PLB1: variants seen among roughly 807,000 people sequenced by gnomAD.
The protein encoded by PLB1 is phospholipase B1.
In PLB1, 242 loss-of-function variants were observed where a neutral mutation model predicts 227.4. The observed-to-expected ratio is 1.06, with a 90% CI of 0.96 to 1.18. The LOEUF (loss-of-function observed/expected upper bound fraction) is 1.18, where lower values mean the gene tolerates loss of function less well. Ranked by LOEUF, PLB1 falls within the 50% of genes most tolerant of loss-of-function variation. The pLI is 0.00. For synonymous variants in PLB1, 757 were observed against 682.2 expected, an observed-to-expected ratio of 1.11 and a Z score of -1.71; for missense variants, 1,858 against 1,816.3, an observed-to-expected ratio of 1.02 and a Z score of -0.42.
chr2:28,530,636 C>T (rs1208029527), intron 8 of PLB1, among the ~76,000 whole-genome samples: 1 of 152,242 alleles, frequency 6.6e-6, no homozygotes, highest in Admixed American at 6.5e-5. Flanking sequence ...TAATAAGCAT[C>T]CTTAGATCTT....
chr2:28,630,548 C>T (rs777851259), intron 53 of PLB1, 38 bp from the exon 54 acceptor site: 1 of 1,574,814 alleles, frequency 6.3e-7, no homozygotes, highest in Non-Finnish European at 8.7e-7. Context: ...AGCCACAGTG[C>T]CCCAGGCAGC....
chr2:28,542,552 C>T (rs1246288959), intron 13 of PLB1, among the ~76,000 whole-genome samples: 4 of 152,210 alleles, frequency 2.6e-5, no homozygotes, highest in Middle Eastern at 3.4e-3. Context: ...GGGAAGTGCT[C>T]GCACCTCTTG....
At chr2:28,559,427 T>G (rs982724056) in intron 17 of PLB1, among the ~76,000 whole-genome samples, 1 of 152,234 alleles carries the variant, frequency 6.6e-6, no homozygotes, top group African/African-American at 2.4e-5. Context: ...CAACTATGTA[T>G]GTGTGAGTTT....
intron 8 of PLB1, among the ~76,000 whole-genome samples, chr2:28,530,740 G>A (rs918790552): frequency 1.6e-4 from 25 of 152,338 alleles, no homozygotes; most frequent in Middle Eastern, 3.4e-3. Context: ...CTGGAACCAA[G>A]GGAAGCTGCT....
At chr2:28,564,385 G>A (rs564260785) in intron 18 of PLB1, among the ~76,000 whole-genome samples, 5 of 152,236 alleles carry the variant, frequency 3.3e-5, no homozygotes, top group Non-Finnish European at 7.4e-5. Flanking sequence ...AGCCTCCTCC[G>A]TGGCCCCTCA....
At chr2:28,548,490 G>T (rs745527565) in intron 14 of PLB1, 10 of 465,002 alleles carry the variant, frequency 2.2e-5, no homozygotes, top group South Asian at 1.6e-4. Context: ...GGACACCAAT[G>T]TTGGAGTCCC....
At chr2:28,635,507 C>T (rs182600762) in intron 56 of PLB1, among the ~76,000 whole-genome samples, 31 of 151,016 alleles carry the variant, frequency 2.1e-4, no homozygotes, top group African/African-American at 7.2e-4. Context: ...ACCACCCTCC[C>T]CACTGCTCCC....
chr2:28,541,380 C>A (rs1558707327), intron 12 of PLB1, among the ~76,000 whole-genome samples: 1 of 152,182 alleles, frequency 6.6e-6, no homozygotes, highest in African/African-American at 2.4e-5. Context: ...GGTTAAGGCA[C>A]CTGACTCTAC....
rs1668901768 is a variant in PLB1 at position 28,516,806 on chromosome 2, A to C, written c.56-2A>C. 6.2e-7 allele frequency: 1 copy of C among 1,612,552 alleles called. No homozygotes were observed. Among genetic ancestry groups the C allele is most frequent in the East Asian group, 2.2e-5 (1 of 44,876 alleles). ...ACTTGAACTATTTCTGCTTTCTTTC[A>C]GGGACCCCTCAGATCCATACCTCTC... On this transcript the variant is annotated splice_acceptor_variant, in intron 1 of 57. Coordinates refer to ENST00000327757, the MANE Select transcript of PLB1 (RefSeq NM_153021.5). LOFTEE classifies it high-confidence loss of function.
chr2:28,594,534 TTC>T (rs967258984), intron 33 of PLB1: 5 of 157,120 alleles, frequency 3.2e-5, no homozygotes, highest in African/African-American at 1.2e-4. Context: ...CTCCCTTTTC[TTC>T]TGAGTCAGTT....
intron 4 of PLB1, among the ~76,000 whole-genome samples, chr2:28,524,834 C>A (rs1252319246): frequency 2.2e-5 from 3 of 136,928 alleles, no homozygotes; most frequent in Admixed American, 2.1e-4. Flanking sequence ...TAGGTTCTCT[C>A]TCTCTCTCTC....
chr2:28,558,331 G>A (rs183101772), intron 17 of PLB1, among the ~76,000 whole-genome samples: 1 of 152,202 alleles, frequency 6.6e-6, no homozygotes, highest in East Asian at 1.9e-4. Flanking sequence ...CCTAACATTT[G>A]CATACGAGCT....
intron 20 of PLB1, among the ~76,000 whole-genome samples, chr2:28,567,074 G>A (rs1008730452): frequency 6.6e-6 from 1 of 152,140 alleles, no homozygotes; most frequent in Non-Finnish European, 1.5e-5. Flanking sequence ...GCGGGGAGGT[G>A]TCAAAAAGAA....
Position 28,601,305 on chromosome 2 carries a change from C to A in PLB1, c.2580C>A (p.Ser860Arg). ...TCATCACAGTGCTGATCGGAGGCAG[C>A]GATTTATGTGACTACTGCACAGATT... Reference protein sequence around the residue: ...WKVITVLIGGSDLCDYCTDSN... With the variant: ...WKVITVLIGGRDLCDYCTDSN... Residue 860 changes from serine to arginine, a missense_variant, in exon 37 of 58, where the codon AGC becomes AGA. Ser to Arg is a moderately radical substitution (Grantham distance 110). Coordinates refer to ENST00000327757, the MANE Select transcript of PLB1 (RefSeq NM_153021.5). 1 of 1,614,038 alleles carries A rather than the reference C, an allele frequency of 6.2e-7. No individual in the cohort carries two copies. The highest frequency in any genetic ancestry group is 8.5e-7 in the Non-Finnish European group (1 of 1,179,950).
At chr2:28,609,822 A>G (rs1447436834) in intron 43 of PLB1, among the ~76,000 whole-genome samples, 3 of 152,200 alleles carry the variant, frequency 2.0e-5, no homozygotes, top group African/African-American at 7.2e-5. Flanking sequence ...GATTCTTACC[A>G]GTCCTCCAGA....
chr2:28,559,740 C>CTTT (rs10618292), intron 17 of PLB1, among the ~76,000 whole-genome samples: 24 of 66,246 alleles, frequency 3.6e-4, no homozygotes, highest in African/African-American at 9.4e-4. Context: ...GGCCTGAAAG[C>CTTT]TTTTTTTTTT....
In PLB1 at chr2:28,519,764, G is replaced by A; in HGVS notation, c.243+1G>A. 6.2e-7 allele frequency: 1 copy of A among 1,609,068 alleles called. No individual in the cohort carries two copies. Among genetic ancestry groups the A allele is most frequent in the East Asian group, 2.2e-5 (1 of 44,846 alleles). On this transcript the variant is annotated splice_donor_variant, in intron 4 of 57. Coordinates refer to ENST00000327757, the MANE Select transcript of PLB1 (RefSeq NM_153021.5). LOFTEE classifies it high-confidence loss of function. ...GGCAGCCATTGGCAATCTGGAAATT[G>A]TGAGTATTTGAAGTAGCTTGGGGCA...
chr2:28,510,174 G>A (rs747060437), intron 1 of PLB1, among the ~76,000 whole-genome samples: 32 of 152,328 alleles, frequency 2.1e-4, no homozygotes, highest in Non-Finnish European at 3.7e-4. Flanking sequence ...CTTTCCATGA[G>A]TCAGACACTG....
chr2:28,615,768 G>A (rs1200278329), intron 44 of PLB1, among the ~76,000 whole-genome samples: 8 of 152,220 alleles, frequency 5.3e-5, no homozygotes, highest in Admixed American at 3.3e-4. Context: ...GTGGTGAGCC[G>A]AATGGGTCTG....
Sources: allele counts gnomAD v4.1 joint callset (sites outside exome capture counted in the v4.1 genomes callset), GRCh38; gene constraint gnomAD v4.1.1; transcripts MANE v1.5; gene names NCBI Gene and HGNC (gene_info 2026-07-23, HGNC 2026-07-21).